Variants in MCOLN2 observed in about 807,000 individuals in gnomAD.
MCOLN2 encodes mucolipin TRP cation channel 2.
Under a neutral mutation model 67.5 loss-of-function variants are expected in MCOLN2, and 57 were observed. That is an observed-to-expected ratio of 0.84 (90% CI 0.68 to 1.05). The LOEUF is 1.05. MCOLN2 is among the 50% of genes least tolerant of loss of function. MCOLN2 has a pLI of 0.00. For missense variants in MCOLN2, 620 were observed against 678.8 expected (o/e 0.91, Z 0.96); for synonymous variants, 246 against 233.3 (o/e 1.05, Z -0.50).
chr1:84,937,105 G>C (rs1230133941), intron 11 of MCOLN2, among the ~76,000 whole-genome samples: 1 of 152,122 alleles, frequency 6.6e-6, no homozygotes, highest in African/African-American at 2.4e-5. Flanking sequence ...TAAAACCAAG[G>C]CTTACCTAGT....
At chr1:84,972,700 T>C (rs1319189165) in intron 1 of MCOLN2, among the ~76,000 whole-genome samples, 3 of 152,238 alleles carry the variant, frequency 2.0e-5, no homozygotes, top group Non-Finnish European at 2.9e-5. Flanking sequence ...TGGCTAAGTT[T>C]AAGGCTATCA....
chr1:84,938,217 G>GA (rs1023926161), intron 9 of MCOLN2, 135 bp from the exon 10 acceptor site: 90 of 455,130 alleles, frequency 2.0e-4, no homozygotes, highest in Admixed American at 5.7e-4. Context: ...TTTTTTTGAA[G>GA]AAAAAAAAGA....
At chr1:84,979,296 G>C (rs1419618561) in intron 1 of MCOLN2, among the ~76,000 whole-genome samples, 1 of 152,118 alleles carries the variant, frequency 6.6e-6, no homozygotes, top group East Asian at 1.9e-4. Flanking sequence ...CTGAAAAATA[G>C]AAGAGGAAAC....
intron 1 of MCOLN2, among the ~76,000 whole-genome samples, chr1:84,968,753 T>C (rs957362830): frequency 6.6e-6 from 1 of 152,212 alleles, no homozygotes. Flanking sequence ...GACAGGCATC[T>C]TCCCCACCTT....
In MCOLN2 at chr1:84,927,347, T is replaced by A. The variant is rs149594696; in HGVS notation, c.1665-626A>T. Among the ~76,000 whole-genome samples the A allele has an allele frequency of 3.9e-5, 6 of 152,298 alleles. No individual in the cohort carries two copies. In the East Asian group the frequency reaches 1.2e-3, roughly 29 times the overall value. ...TTACTAGAACAGCCAATTTTCCTCC[T>A]TCACTGCAATAGAGGAAGGTAAAGG... On this transcript the variant is annotated intron_variant, in intron 13 of 13. Transcript: ENST00000370608.
At chr1:84,994,211 A>C (rs927156912) in intron 1 of MCOLN2, among the ~76,000 whole-genome samples, 2 of 152,232 alleles carry the variant, frequency 1.3e-5, no homozygotes, top group Non-Finnish European at 2.9e-5. Context: ...GAGGCAGAGT[A>C]GATTAACATA....
At chr1:84,927,147 T>C (rs1250694956) in intron 13 of MCOLN2, among the ~76,000 whole-genome samples, 3 of 151,192 alleles carry the variant, frequency 2.0e-5, no homozygotes, top group South Asian at 4.2e-4. Context: ...CCATGGCGCA[T>C]GTGTACCTAT....
chr1:84,979,260 C>G (rs1650137699), intron 1 of MCOLN2, among the ~76,000 whole-genome samples: 1 of 152,146 alleles, frequency 6.6e-6, no homozygotes, highest in Non-Finnish European at 1.5e-5. Context: ...TAAAGAAGAA[C>G]TAATACCAAT....
chr1:84,967,861 G>A (rs1008759031), intron 1 of MCOLN2, among the ~76,000 whole-genome samples: 1 of 147,576 alleles, frequency 6.8e-6, no homozygotes, highest in African/African-American at 2.5e-5. Context: ...AGGGAGGGAA[G>A]GAAGGAAGAA....
At chr1:84,957,736 TCTC>T in intron 3 of MCOLN2, among the ~76,000 whole-genome samples, 1 of 152,338 alleles carries the variant, frequency 6.6e-6, no homozygotes, top group South Asian at 2.1e-4. Context: ...TGTGTGGTAT[TCTC>T]AGGGAGCTAG....
At chr1:84,988,819 C>A (rs148747917) in intron 1 of MCOLN2, among the ~76,000 whole-genome samples, 133 of 152,274 alleles carry the variant, frequency 8.7e-4, no homozygotes, top group Non-Finnish European at 1.6e-3. Context: ...TCCTCCCATA[C>A]CCTCTTCCCC....
intron 4 of MCOLN2, among the ~76,000 whole-genome samples, chr1:84,956,162 AAC>A (rs539276667): frequency 1.3e-5 from 2 of 151,858 alleles, no homozygotes; most frequent in South Asian, 4.2e-4. Flanking sequence ...GGGAAAAAAA[AAC>A]AAAAAACAGG....
Position 84,956,594 on chromosome 1 carries a change from A to C in MCOLN2, c.412-10T>G. On this transcript the variant is annotated splice_polypyrimidine_tract_variant and intron_variant, in intron 3 of 13. Transcript: ENST00000370608. ...CCTTTAGCTGATGATACTATTAAAA[A>C]ATAGTCAAGTAAAAACCACATATGA... The C allele has an allele frequency of 6.4e-7, 1 of 1,570,714 alleles. No individual in the cohort carries two copies. The highest frequency in any genetic ancestry group is 1.2e-5 in the South Asian group (1 of 82,820).
chr1:84,945,668 TCATCCTAATTCTTTACTGAGCAAA>T, intron 7 of MCOLN2, among the ~76,000 whole-genome samples: 1 of 152,362 alleles, frequency 6.6e-6, no homozygotes, highest in Middle Eastern at 3.4e-3. Flanking sequence ...ATCATTAACA[TCATCCTAATTCTTTACTGAGCAAA>T]CAGAACAGGT....
chr1:84,931,593 T>G lies in MCOLN2; in HGVS notation c.1336-25A>C, dbSNP rs370483952. On this transcript the variant is annotated intron_variant, in intron 11 of 13. Coordinates refer to ENST00000370608, the MANE Select transcript of MCOLN2 (RefSeq NM_153259.4). ...ACTGTAGGGGGAAATAAAAACTAGT[T>G]TCTGAAATAGAGTATTCTAAAAAGC... 151 of 1,582,604 alleles carry G rather than the reference T, an allele frequency of 9.5e-5. No homozygotes were observed. In the Middle Eastern group the frequency reaches 1.8e-3, roughly 19 times the overall value.
Position 84,952,402 on chromosome 1 carries a change from C to T in MCOLN2, c.650+44G>A, listed in dbSNP as rs367818908. 8.6e-5 allele frequency: 134 copies of T among 1,565,476 alleles called. 3 individuals are homozygous for T. Among genetic ancestry groups the T allele is most frequent in the South Asian group, 8.1e-4 (73 of 90,028 alleles). On this transcript the variant is annotated intron_variant, in intron 5 of 13. Coordinates refer to ENST00000370608, the MANE Select transcript of MCOLN2 (RefSeq NM_153259.4). Reference sequence around the variant, plus strand: ...TCTTACTATATACTATTCTCCTTCTCCCACCCTCATCTCTTAGGGAATAAC... The same window carrying T: ...TCTTACTATATACTATTCTCCTTCTTCCACCCTCATCTCTTAGGGAATAAC...
At chr1:84,987,676 A>C (rs1243313354) in intron 1 of MCOLN2, among the ~76,000 whole-genome samples, 1 of 147,348 alleles carries the variant, frequency 6.8e-6, no homozygotes, top group Non-Finnish European at 1.5e-5. Flanking sequence ...ATATGTATAT[A>C]GATATATAGA....
chr1:84,971,505 C>G lies in MCOLN2; in HGVS notation c.78-5797G>C, dbSNP rs1409956953. On this transcript the variant is annotated intron_variant, in intron 1 of 13. Transcript: ENST00000370608. Reference sequence around the variant, plus strand: ...GAAGGGTATTAAACAGACATACACACACACACACACACACACACACACACA... The same window carrying G: ...GAAGGGTATTAAACAGACATACACAGACACACACACACACACACACACACA... Among the ~76,000 whole-genome samples the G allele has an allele frequency of 3.2e-5, 3 of 92,788 alleles. 1 individual carries two copies. In the East Asian group the frequency reaches 1.1e-3, roughly 36 times the overall value. The allele number at this position is 92,788 out of a possible 152,430, so 60.9% of individuals were successfully genotyped here. A position where few individuals can be genotyped will look rare whatever the true frequency, so the allele number is the denominator to read the frequency against.
At chr1:84,987,670 G>GTATATACGTATATAGA (rs1557666198) in intron 1 of MCOLN2, among the ~76,000 whole-genome samples, 1 of 120,068 alleles carries the variant, frequency 8.3e-6, no homozygotes, top group Non-Finnish European at 1.8e-5. Flanking sequence ...ATGTATATAT[G>GTATATACGTATATAGA]TATATAGATA....
Sources: allele counts gnomAD v4.1 joint callset (sites outside exome capture counted in the v4.1 genomes callset), GRCh38; gene constraint gnomAD v4.1.1; transcripts MANE v1.5; gene names NCBI Gene and HGNC (gene_info 2026-07-23, HGNC 2026-07-21).